Variants in EIF4G3 observed in about 807,000 individuals in gnomAD.
The protein encoded by EIF4G3 is eukaryotic translation initiation factor 4 gamma 3.
EIF4G3 carries 34 observed loss-of-function variants against 186.4 expected under a neutral mutation model. That is an observed-to-expected ratio of 0.18 (90% confidence interval 0.14 to 0.24). EIF4G3 has a LOEUF of 0.24. EIF4G3 is among the 10% of genes least tolerant of loss of function. The pLI, the probability that EIF4G3 is intolerant of heterozygous loss-of-function variation, is 1.00. For synonymous variants in EIF4G3, 673 were observed against 679.5 expected, an observed-to-expected ratio of 0.99 and a Z score of 0.15; for missense variants, 1,536 against 1,948.5, an observed-to-expected ratio of 0.79 and a Z score of 3.99.
chr1:21,001,202 G>A lies in EIF4G3; in HGVS notation c.141C>T (p.Cys47=). ...SLAGRGWIKY[C]IFAAGPRPPH... ...TACAGTTTGTTATATTGCTTACAAT[G>A]CAGTATTTTATCCAGCCTCTTCCAG... Residue 47 remains cysteine, a synonymous_variant, in exon 6 of 37, where the codon TGC becomes TGT. Coordinates refer to ENST00000602326, the MANE Select transcript of EIF4G3 (RefSeq NM_001391906.1). The A allele has an allele frequency of 2.1e-6, 1 of 471,448 alleles. No individual in the cohort carries two copies. The highest frequency in any genetic ancestry group is 6.9e-5 in the East Asian group (1 of 14,408). 29.2% of individuals were successfully genotyped at this position (471,448 alleles called of 1,614,324 possible).
chr1:21,143,023 C>T (rs1041929986), intron 2 of EIF4G3, among the ~76,000 whole-genome samples: 1 of 151,904 alleles, frequency 6.6e-6, no homozygotes, highest in Non-Finnish European at 1.5e-5. Context: ...CCGAGACAGG[C>T]AGATCACTTG....
chr1:21,002,735 G>A lies in EIF4G3; in HGVS notation c.8C>T (p.Ser3Leu). The change falls in exon 5 of 37, where the codon TCA becomes TTA. Residue 3 changes from serine to leucine, a missense_variant. This residue lies in a region of EIF4G3 where 194 missense variants were observed against 212.8 expected (regional missense o/e 0.91). Transcript: ENST00000602326. MN[S>L]QPQTRSPPSR... is the part of the protein sequence containing the mutation. Reference sequence around the variant, plus strand: ...TACCGGAGAACGGGTTTGAGGTTGTGAATTCATTGTCTGAGGGGTTTGAGG... The same window carrying A: ...TACCGGAGAACGGGTTTGAGGTTGTAAATTCATTGTCTGAGGGGTTTGAGG... 1 of 1,613,602 alleles carries A rather than the reference G, an allele frequency of 6.2e-7. No individual in the cohort carries two copies. Among genetic ancestry groups the A allele is most frequent in the Non-Finnish European group, 8.5e-7 (1 of 1,179,754 alleles).
intron 6 of EIF4G3, among the ~76,000 whole-genome samples, chr1:21,000,872 A>C (rs2083370430): frequency 6.6e-6 from 1 of 152,224 alleles, no homozygotes; most frequent in African/African-American, 2.4e-5. Context: ...ATATTCAATT[A>C]TAAAATTGAA....
intron 2 of EIF4G3, among the ~76,000 whole-genome samples, chr1:21,089,564 G>C (rs1009222488): frequency 2.0e-5 from 3 of 152,074 alleles, no homozygotes; most frequent in Non-Finnish European, 4.4e-5. Flanking sequence ...ACTTTTGGAG[G>C]TCAAACTGAG....
At chr1:21,009,553 T>A (rs1030010295) in intron 4 of EIF4G3, among the ~76,000 whole-genome samples, 2 of 151,702 alleles carry the variant, frequency 1.3e-5, no homozygotes, top group Non-Finnish European at 2.9e-5. Flanking sequence ...AACAAATGTT[T>A]GACACTTAAA....
At chr1:20,807,699 A>C (rs1305782019) in intron 36 of EIF4G3, among the ~76,000 whole-genome samples, 199 bp from the exon 37 acceptor site, 1 of 151,844 alleles carries the variant, frequency 6.6e-6, no homozygotes, top group African/African-American at 2.4e-5. Context: ...AAAAGATTGA[A>C]GCAGTCTAAA....
At chr1:21,040,009 T>A (rs1381714803) in intron 4 of EIF4G3, among the ~76,000 whole-genome samples, 3 of 152,226 alleles carry the variant, frequency 2.0e-5, no homozygotes, top group Admixed American at 6.5e-5. Flanking sequence ...CACAGTGATA[T>A]TATGAAATAC....
intron 12 of EIF4G3, among the ~76,000 whole-genome samples, chr1:20,950,524 G>A (rs1402018928): frequency 6.6e-6 from 1 of 152,090 alleles, no homozygotes; most frequent in Admixed American, 6.6e-5. Context: ...ACCTAGCAAA[G>A]CAGGACAAAC....
At chr1:20,888,724 C>T (rs1418050558) in intron 18 of EIF4G3, among the ~76,000 whole-genome samples, 1 of 151,920 alleles carries the variant, frequency 6.6e-6, no homozygotes, top group African/African-American at 2.4e-5. Flanking sequence ...GTAAAAGGAC[C>T]CTAAAAACTA....
intron 33 of EIF4G3, among the ~76,000 whole-genome samples, chr1:20,820,002 G>A (rs905288499): frequency 2.0e-5 from 3 of 152,128 alleles, no homozygotes; most frequent in Non-Finnish European, 4.4e-5. Flanking sequence ...AGCTGGGGCC[G>A]TACACTGCAT....
intron 2 of EIF4G3, among the ~76,000 whole-genome samples, chr1:21,127,836 A>C (rs191562520): frequency 6.6e-6 from 1 of 152,334 alleles, no homozygotes; most frequent in East Asian, 1.9e-4. Flanking sequence ...AAATTGCACA[A>C]TTCACTCCAC....
In EIF4G3 at chr1:20,862,341, G is replaced by C. The variant is rs200545445; in HGVS notation, c.3007-9C>G. On this transcript the variant is annotated splice_polypyrimidine_tract_variant and intron_variant, in intron 22 of 36. Transcript: ENST00000602326. ...TACTGGTCCATACGTGGCTGCAAGA[G>C]ACAAAATCATTAGTACTCCTGTCTG... 9.3e-5 allele frequency: 143 copies of C among 1,538,596 alleles called. No individual in the cohort carries two copies. The highest frequency in any genetic ancestry group is 1.2e-4 in the Non-Finnish European group (138 of 1,127,734).
chr1:21,149,019 C>T (rs1404100822), intron 2 of EIF4G3, among the ~76,000 whole-genome samples: 2 of 151,430 alleles, frequency 1.3e-5, no homozygotes, highest in Non-Finnish European at 2.9e-5. Flanking sequence ...TAGCTTGAGC[C>T]CAGGAGTTGG....
intron 14 of EIF4G3, among the ~76,000 whole-genome samples, chr1:20,926,926 C>G (rs1037400521): frequency 2.0e-5 from 3 of 151,586 alleles, no homozygotes; most frequent in African/African-American, 7.3e-5. Flanking sequence ...GTACACATAT[C>G]AATATGCATA....
intron 2 of EIF4G3, chr1:21,175,425 C>G (rs1235844942): frequency 6.6e-6 from 1 of 152,168 alleles, no homozygotes; most frequent in Non-Finnish European, 1.5e-5. Context: ...TAAATTAAAG[C>G]CCATTAAAAA....
At chr1:21,115,489 T>C (rs543343476) in intron 2 of EIF4G3, among the ~76,000 whole-genome samples, 1 of 152,178 alleles carries the variant, frequency 6.6e-6, no homozygotes, top group South Asian at 2.1e-4. Context: ...GCCAAAAGCT[T>C]TGCTTCATTC....
At chr1:20,880,233 T>G (rs2081949826) in intron 19 of EIF4G3, among the ~76,000 whole-genome samples, 1 of 152,082 alleles carries the variant, frequency 6.6e-6, no homozygotes, top group East Asian at 1.9e-4. Flanking sequence ...GTACGTAGAT[T>G]GTAAAGGAAG....
chr1:20,893,388 A>G, intron 18 of EIF4G3, 129 bp downstream of exon 18: 1 of 981,354 alleles, frequency 1.0e-6, no homozygotes, highest in Admixed American at 2.6e-5. Context: ...TGGAAAGGAT[A>G]GTCTTTGCCT....
At chr1:20,851,179 A>C (rs1444460734) in intron 28 of EIF4G3, 79 bp downstream of exon 28, 1 of 1,330,962 alleles carries the variant, frequency 7.5e-7, no homozygotes, top group African/African-American at 1.5e-5. Context: ...TCTAAAATCT[A>C]CTCAGGCACA....
Sources: gnomAD v4.1 joint callset for allele counts (sites outside exome capture counted in the v4.1 genomes callset) on GRCh38, gnomAD v4.1.1 for gene constraint, gnomAD v4.1.1 regional missense constraint, MANE v1.5 for transcripts, NCBI Gene and HGNC (gene_info 2026-07-23, HGNC 2026-07-21) for gene names.